TENM3: variants seen among roughly 807,000 people sequenced by gnomAD.
The protein encoded by TENM3 is teneurin transmembrane protein 3.
Under a neutral mutation model 255.1 loss-of-function variants are expected in TENM3, and 63 were observed. The observed-to-expected ratio is 0.25, with a 90% CI of 0.20 to 0.30. The LOEUF is 0.30. Among genes scored for constraint, TENM3 ranks in the 10% least tolerant of loss-of-function variants. TENM3 has a pLI of 1.00. For synonymous variants in TENM3, 1,306 were observed against 1,322.3 expected (o/e 0.99, Z 0.27); for missense variants, 2,929 against 3,461.1 (o/e 0.85, Z 3.86).
rs535398896 is a variant in TENM3 at position 182,300,555 on chromosome 4, C to A, written c.-75-23391C>A. 5.3e-5 allele frequency among the ~76,000 whole-genome samples: 8 copies of A among 152,280 alleles called. No individual in the cohort carries two copies. The South Asian group carries it at 1.5e-3, about 28-fold the overall frequency. On this transcript the variant is annotated intron_variant, in intron 1 of 27. Transcript: ENST00000511685. Reference sequence around the variant, plus strand: ...ACACCTGGTGACGGCTTGTGCCTACCTTTGGCCTTAGGGATGGGAGGTAGG... The same window carrying A: ...ACACCTGGTGACGGCTTGTGCCTACATTTGGCCTTAGGGATGGGAGGTAGG...
chr4:182,292,283 G>T (rs1466970674), intron 1 of TENM3, among the ~76,000 whole-genome samples: 4 of 152,146 alleles, frequency 2.6e-5, no homozygotes, highest in African/African-American at 7.2e-5. Flanking sequence ...CATGATTGGG[G>T]TGATGTTATT....
chr4:182,606,568 G>A (rs966970172), intron 4 of TENM3, among the ~76,000 whole-genome samples: 1 of 149,396 alleles, frequency 6.7e-6, no homozygotes, highest in Non-Finnish European at 1.5e-5. Flanking sequence ...TATAAAATAT[G>A]GTCCTGAATT....
rs770404047 is a variant in TENM3, at chr4:182,800,087, C to T, written c.7836C>T (p.Thr2612=). The T allele has an allele frequency of 2.0e-5, 32 of 1,590,694 alleles. 1 individual carries two copies. Among genetic ancestry groups the T allele is most frequent in the Admixed American group, 1.4e-4 (8 of 56,640 alleles). Residue 2612 remains threonine (T), a synonymous_variant, in exon 28 of 28, where the codon ACC becomes ACT. Coordinates refer to ENST00000511685, the MANE Select transcript of TENM3 (RefSeq NM_001080477.4). ...ALALHVRYGM[T]LDEEKARILE... Reference sequence around the variant, plus strand: ...CGCTGCACGTGCGCTACGGCATGACCCTGGACGAGGAGAAGGCGCGCATCC... The same window carrying T: ...CGCTGCACGTGCGCTACGGCATGACTCTGGACGAGGAGAAGGCGCGCATCC...
chr4:182,695,162 G>C (rs1214347802), intron 12 of TENM3, among the ~76,000 whole-genome samples: 1 of 152,116 alleles, frequency 6.6e-6, no homozygotes, highest in Admixed American at 6.5e-5. Flanking sequence ...GCTGTTCTGG[G>C]AGGCATTTGG....
the TENM3 span, among the ~76,000 whole-genome samples, chr4:182,066,897 C>T: frequency 6.6e-6 from 1 of 152,070 alleles, no homozygotes; most frequent in Non-Finnish European, 1.5e-5. Flanking sequence ...GGCGACAGAG[C>T]GAGACTCCAT....
intron 1 of TENM3, among the ~76,000 whole-genome samples, chr4:182,169,607 G>A (rs997146833): frequency 2.6e-5 from 4 of 152,054 alleles, no homozygotes; most frequent in Middle Eastern, 3.2e-3. Flanking sequence ...AATGAGAAAC[G>A]TGTGACTCTT....
At chr4:181,499,833 A>G in the TENM3 span, among the ~76,000 whole-genome samples, 3 of 152,200 alleles carry the variant, frequency 2.0e-5, no homozygotes, top group Non-Finnish European at 4.4e-5. Context: ...GGGATAAAAG[A>G]GATAAGTGAC....
At chr4:181,645,833 T>C in the TENM3 span, among the ~76,000 whole-genome samples, 4 of 152,242 alleles carry the variant, frequency 2.6e-5, no homozygotes, top group Non-Finnish European at 4.4e-5. Flanking sequence ...GAGTTTCACA[T>C]TGATGCTAAG....
At chr4:182,275,805 C>T (rs1044579824) in intron 1 of TENM3, among the ~76,000 whole-genome samples, 2 of 151,858 alleles carry the variant, frequency 1.3e-5, no homozygotes, top group Non-Finnish European at 2.9e-5. Context: ...GGCATGGTGC[C>T]GCATGCTTGA....
chr4:182,189,278 A>G (rs997853600), intron 1 of TENM3, among the ~76,000 whole-genome samples: 2 of 151,946 alleles, frequency 1.3e-5, no homozygotes, highest in Admixed American at 1.3e-4. Flanking sequence ...TTCTGGATTA[A>G]GTGGGTATGA....
chr4:182,616,643 G>A (rs1749565731), intron 4 of TENM3, among the ~76,000 whole-genome samples: 1 of 151,348 alleles, frequency 6.6e-6, no homozygotes, highest in East Asian at 1.9e-4. Context: ...TGCTCGTGTG[G>A]GTGGGCTTCT....
chr4:182,405,231 T>C (rs1769478468), intron 3 of TENM3, among the ~76,000 whole-genome samples: 1 of 152,200 alleles, frequency 6.6e-6, no homozygotes. Context: ...TCCTGGAACA[T>C]TCCCTCACCT....
At chr4:181,555,941 TGAA>T in the TENM3 span, among the ~76,000 whole-genome samples, 1 of 152,200 alleles carries the variant, frequency 6.6e-6, no homozygotes, top group Admixed American at 6.5e-5. Context: ...TGGGTATTGA[TGAA>T]TAAATAACTA....
the TENM3 span, among the ~76,000 whole-genome samples, chr4:181,575,664 G>A: frequency 6.6e-6 from 1 of 152,156 alleles, no homozygotes; most frequent in African/African-American, 2.4e-5. Flanking sequence ...TGAGTGGTAT[G>A]GAAGCTTTCT....
the TENM3 span, among the ~76,000 whole-genome samples, chr4:181,654,230 G>GA: frequency 0.036 from 3,987 of 110,522 alleles, 95 homozygotes; most frequent in East Asian, 0.087. Flanking sequence ...CTGCCTTCAG[G>GA]AAAAAAAAAA....
the TENM3 span, among the ~76,000 whole-genome samples, chr4:181,689,764 G>A: frequency 6.6e-6 from 1 of 152,130 alleles, no homozygotes; most frequent in African/African-American, 2.4e-5. Context: ...GTAAAGGTTT[G>A]ATGGACTGAA....
the TENM3 span, among the ~76,000 whole-genome samples, chr4:182,108,290 T>A: frequency 4.4e-3 from 664 of 152,312 alleles, 3 homozygotes; most frequent in Non-Finnish European, 6.9e-3. Flanking sequence ...GCTGTGGCAA[T>A]TCACATTTAG....
chr4:182,654,123 T>C (rs1753558664), intron 6 of TENM3, among the ~76,000 whole-genome samples: 1 of 152,218 alleles, frequency 6.6e-6, no homozygotes, highest in South Asian at 2.1e-4. Flanking sequence ...ATGGCTAGGC[T>C]TTTCTGCCTT....
the TENM3 span, among the ~76,000 whole-genome samples, chr4:181,686,398 T>C: frequency 6.6e-6 from 1 of 152,212 alleles, no homozygotes; most frequent in African/African-American, 2.4e-5. Flanking sequence ...AGATTTTTCT[T>C]CTTTTCCCTC....
Sources: allele counts gnomAD v4.1 joint callset (sites outside exome capture counted in the v4.1 genomes callset), GRCh38; gene constraint gnomAD v4.1.1; transcripts MANE v1.5; gene names NCBI Gene and HGNC (gene_info 2026-07-23, HGNC 2026-07-21).